Variants in CRYBG1 observed in about 807,000 individuals in gnomAD.
The protein encoded by CRYBG1 is beta/gamma crystallin domain-containing protein 1.
In CRYBG1, 139 loss-of-function variants were observed where a neutral mutation model predicts 189.2. The observed-to-expected ratio is 0.73, with a 90% CI of 0.64 to 0.85. The LOEUF (loss-of-function observed/expected upper bound fraction) is 0.85, where lower values mean the gene tolerates loss of function less well. CRYBG1 is among the 40% of genes least tolerant of loss of function. The pLI is 0.00. For missense variants in CRYBG1, 2,611 were observed against 2,675.8 expected (o/e 0.98, Z 0.53); for synonymous variants, 1,023 against 1,017.1 (o/e 1.01, Z -0.11).
intron 2 of CRYBG1, among the ~76,000 whole-genome samples, chr6:106,464,609 C>T (rs1166460449): frequency 6.6e-6 from 1 of 151,902 alleles, no homozygotes; most frequent in Non-Finnish European, 1.5e-5. Flanking sequence ...TGAAGATTTC[C>T]AACTTAGAAA....
intron 1 of CRYBG1, among the ~76,000 whole-genome samples, chr6:106,404,618 T>C (rs990363875): frequency 6.6e-6 from 1 of 151,252 alleles, no homozygotes; most frequent in African/African-American, 2.4e-5. Flanking sequence ...ACAGCTCCGG[T>C]CTGCAGCTCT....
At chr6:106,411,751 A>G (rs1021547185) in intron 1 of CRYBG1, among the ~76,000 whole-genome samples, 2 of 152,150 alleles carry the variant, frequency 1.3e-5, no homozygotes, top group Admixed American at 6.6e-5. Context: ...AAGGGAAGCC[A>G]AGAGTGCAGC....
intron 7 of CRYBG1, among the ~76,000 whole-genome samples, chr6:106,527,776 T>TC (rs1344090287): frequency 6.6e-6 from 1 of 152,236 alleles, no homozygotes; most frequent in Admixed American, 6.5e-5. Context: ...AACAGGTTTT[T>TC]CATTTATTTA....
At chr6:106,532,341 T>C (rs1281184106) in intron 8 of CRYBG1, among the ~76,000 whole-genome samples, 3 of 152,220 alleles carry the variant, frequency 2.0e-5, no homozygotes, top group African/African-American at 7.2e-5. Context: ...GTATCTTGGC[T>C]ATTACAAATA....
At chr6:106,483,478 TACAATAAAC>T (rs1772522680) in intron 2 of CRYBG1, among the ~76,000 whole-genome samples, 1 of 151,456 alleles carries the variant, frequency 6.6e-6, no homozygotes, top group Non-Finnish European at 1.5e-5. Context: ...TGAATAGTGC[TACAATAAAC>T]ATGGGAGTGC....
chr6:106,558,834 A>T (rs1774626224), intron 18 of CRYBG1, among the ~76,000 whole-genome samples: 1 of 152,162 alleles, frequency 6.6e-6, no homozygotes, highest in East Asian at 1.9e-4. Context: ...GTCGTGGCAC[A>T]TGCCTGTGGC....
chr6:106,552,754 T>G (rs1381495088), intron 15 of CRYBG1, among the ~76,000 whole-genome samples: 1 of 151,440 alleles, frequency 6.6e-6, no homozygotes, highest in Non-Finnish European at 1.5e-5. Flanking sequence ...ATAAAATGCT[T>G]ATTGTATAAA....
chr6:106,435,852 C>T (rs1075271), intron 1 of CRYBG1, among the ~76,000 whole-genome samples: 5,077 of 152,192 alleles, frequency 0.033, 286 homozygotes, highest in African/African-American at 0.12. Context: ...CAGGTGTGAA[C>T]CACGGTGCCC....
chr6:106,541,847 A>G (rs1295929488), intron 10 of CRYBG1, among the ~76,000 whole-genome samples: 1 of 152,158 alleles, frequency 6.6e-6, no homozygotes, highest in African/African-American at 2.4e-5. Flanking sequence ...GGTTATCACT[A>G]AGAGTACATT....
intron 1 of CRYBG1, among the ~76,000 whole-genome samples, chr6:106,374,964 A>T (rs991148246): frequency 2.0e-5 from 3 of 152,206 alleles, no homozygotes; most frequent in African/African-American, 7.2e-5. Context: ...TCAGATATTA[A>T]ATTTTGTTGT....
At chr6:106,393,675 T>C (rs896080602) in intron 1 of CRYBG1, among the ~76,000 whole-genome samples, 5 of 118,072 alleles carry the variant, frequency 4.2e-5, no homozygotes, top group Non-Finnish European at 8.7e-5. Flanking sequence ...CTTCGTTTCC[T>C]CTTCCTTTTT....
intron 20 of CRYBG1, among the ~76,000 whole-genome samples, chr6:106,563,318 G>T (rs982132016): frequency 6.6e-5 from 10 of 152,156 alleles, no homozygotes; most frequent in Non-Finnish European, 1.0e-4. Context: ...GTTTTAAAAT[G>T]ATAAAATGCC....
chr6:106,482,607 C>T (rs1015887711), intron 2 of CRYBG1, among the ~76,000 whole-genome samples: 2 of 151,980 alleles, frequency 1.3e-5, no homozygotes, highest in African/African-American at 4.8e-5. Flanking sequence ...AACCCCGTCT[C>T]TACTAAAAAT....
At chr6:106,411,799 G>T (rs566547134) in intron 1 of CRYBG1, among the ~76,000 whole-genome samples, 1 of 152,264 alleles carries the variant, frequency 6.6e-6, no homozygotes, top group Admixed American at 6.5e-5. Context: ...GCCCCTGGGA[G>T]GCCGCTGATT....
chr6:106,480,841 G>A (rs1486598798), intron 2 of CRYBG1, among the ~76,000 whole-genome samples: 1 of 148,888 alleles, frequency 6.7e-6, no homozygotes, highest in African/African-American at 2.5e-5. Context: ...GAAGGGTGGT[G>A]CATGCCTGTA....
chr6:106,527,472 T>C lies in CRYBG1; in HGVS notation c.4578+2T>C. ...GGTTCCATCAGACATGTGGTTCAGGTAGGTTGTGGTAAATATGGATTTTAT... is the reference window on the plus strand; with the variant it reads ...GGTTCCATCAGACATGTGGTTCAGGCAGGTTGTGGTAAATATGGATTTTAT... On this transcript the variant is annotated splice_donor_variant, in intron 7 of 21. Coordinates refer to ENST00000633556, the MANE Select transcript of CRYBG1 (RefSeq NM_001371242.2). LOFTEE classifies it high-confidence loss of function. 1 of 1,604,978 alleles carries C rather than the reference T, an allele frequency of 6.2e-7. No individual in the cohort carries two copies. Among genetic ancestry groups the C allele is most frequent in the Non-Finnish European group, 8.5e-7 (1 of 1,176,654 alleles).
chr6:106,512,579 C>G lies in CRYBG1; in HGVS notation c.1462C>G (p.Pro488Ala). ...VASAASPESK[P>A]SPGTKGQLRG... ...CTCCGCTGCGAGCCCAGAGTCCAAG[C>G]CCAGCCCCGGTACCAAAGGGCAGCT... is the stretch of plus-strand genomic sequence containing the variant. Residue 488 changes from proline (P) to alanine (A), a missense_variant, in exon 3 of 22, where the codon CCC (proline) becomes GCC (alanine). Pro to Ala is a conservative substitution (Grantham distance 27). This residue lies in a region of CRYBG1 where 985 missense variants were observed against 924.4 expected (regional missense o/e 1.07). Transcript: ENST00000633556. 1 of 1,606,092 alleles carries G rather than the reference C, an allele frequency of 6.2e-7. No individual in the cohort carries two copies. The highest frequency in any genetic ancestry group is 1.1e-5 in the South Asian group (1 of 89,930).
At chr6:106,473,003 G>T (rs1336426553) in intron 2 of CRYBG1, among the ~76,000 whole-genome samples, 1 of 148,858 alleles carries the variant, frequency 6.7e-6, no homozygotes, top group African/African-American at 2.5e-5. Flanking sequence ...TTTCTCTCTT[G>T]TTACCTGTCA....
chr6:106,413,856 T>C (rs979061213), intron 1 of CRYBG1, among the ~76,000 whole-genome samples: 2 of 152,266 alleles, frequency 1.3e-5, no homozygotes, highest in African/African-American at 4.8e-5. Context: ...CCACATACAA[T>C]TGGACAGATG....
Sources: allele counts gnomAD v4.1 joint callset (sites outside exome capture counted in the v4.1 genomes callset), GRCh38; gene constraint gnomAD v4.1.1; regional missense constraint gnomAD v4.1.1; transcripts MANE v1.5; gene names NCBI Gene and HGNC (gene_info 2026-07-23, HGNC 2026-07-21).